PPP1R13B: variants seen among roughly 807,000 people sequenced by gnomAD.
PPP1R13B encodes apoptosis-stimulating of p53 protein 1.
PPP1R13B carries 44 observed loss-of-function variants against 119.8 expected under a neutral mutation model. The ratio of observed to expected loss-of-function variants is 0.37; its 90% CI spans 0.29 to 0.47. The LOEUF is 0.47. Among genes scored for constraint, PPP1R13B ranks in the 20% least tolerant of loss-of-function variants. The probability of loss-of-function intolerance (pLI) is 0.99; values close to 1 mark genes in which losing one functional copy is unlikely to be tolerated. For missense variants in PPP1R13B, 1,227 were observed against 1,413.5 expected, an observed-to-expected ratio of 0.87 and a Z score of 2.12; for synonymous variants, 542 against 561.5, an observed-to-expected ratio of 0.97 and a Z score of 0.49.
At chr14:103,847,771 C>T (rs2087102107), upstream of PPP1R13B, 5 of 388,276 alleles carry the variant, frequency 1.3e-5, no homozygotes, top group South Asian at 1.1e-4. Flanking sequence ...CTCCCGGCGG[C>T]GGGGGAGGGG....
intron 4 of PPP1R13B, among the ~76,000 whole-genome samples, chr14:103,768,367 G>A (rs1567108742): frequency 6.6e-6 from 1 of 152,092 alleles, no homozygotes; most frequent in African/African-American, 2.4e-5. Context: ...TGCCATCTTG[G>A]CTCACTGCAA....
intron 1 of PPP1R13B, among the ~76,000 whole-genome samples, chr14:103,801,629 G>C (rs1456107753): frequency 6.6e-6 from 1 of 151,980 alleles, no homozygotes; most frequent in East Asian, 1.9e-4. Context: ...GATCTCTATT[G>C]CATCACCTCA....
chr14:103,735,890 T>A, intron 16 of PPP1R13B, 113 bp downstream of exon 16: 1 of 1,194,464 alleles, frequency 8.4e-7, no homozygotes, highest in East Asian at 2.6e-5. Flanking sequence ...CAGAGGGGGC[T>A]GCTGAGGCTC....
At chr14:103,766,562 G>A (rs1037341339) in intron 4 of PPP1R13B, among the ~76,000 whole-genome samples, 1 of 152,202 alleles carries the variant, frequency 6.6e-6, no homozygotes, top group Non-Finnish European at 1.5e-5. Flanking sequence ...CACGCTACCA[G>A]ACACCATGAA....
At chr14:103,764,851 G>A (rs1025622436) in intron 4 of PPP1R13B, among the ~76,000 whole-genome samples, 4 of 151,818 alleles carry the variant, frequency 2.6e-5, no homozygotes, top group African/African-American at 4.8e-5. Flanking sequence ...ATGGAGTCTC[G>A]CTCTGTCGCC....
At chr14:103,755,677 G>A (rs1441519431) in intron 5 of PPP1R13B, among the ~76,000 whole-genome samples, 1 of 152,116 alleles carries the variant, frequency 6.6e-6, no homozygotes, top group African/African-American at 2.4e-5. Context: ...GCATTAACTT[G>A]TGATTCACAT....
In PPP1R13B at chr14:103,742,856, T is replaced by C; in HGVS notation, c.1151-33A>G. On this transcript the variant is annotated intron_variant, in intron 9 of 16. Transcript: ENST00000202556. The surrounding 1 kb of genome is among the most constrained non-coding windows in gnomAD (Gnocchi z 4.9). Reference sequence around the variant, plus strand: ...AGAACACAGAACTTACGTAAAACTTTTCTCAATGTAGTTGAACCAACCTAA... The same window carrying C: ...AGAACACAGAACTTACGTAAAACTTCTCTCAATGTAGTTGAACCAACCTAA... 3.1e-6 allele frequency: 5 copies of C among 1,611,278 alleles called. No individual in the cohort carries two copies. Among genetic ancestry groups the C allele is most frequent in the Non-Finnish European group, 4.2e-6 (5 of 1,178,288 alleles).
chr14:103,758,596 G>A (rs2084731303), intron 4 of PPP1R13B, among the ~76,000 whole-genome samples: 1 of 152,216 alleles, frequency 6.6e-6, no homozygotes, highest in South Asian at 2.1e-4. Flanking sequence ...AAACAAATCT[G>A]CATGGGGTTG....
Position 103,830,129 on chromosome 14 carries a change from C to A in PPP1R13B, c.9+17170G>T, listed in dbSNP as rs1246786977. ...TATTTATTTGAAATGAAATCTCACT[C>A]TTGTCACCCAGGCTGGAGCGCTGTG... is the stretch of plus-strand genomic sequence containing the variant. On this transcript the variant is annotated intron_variant, in intron 1 of 16. Transcript: ENST00000202556. Among the ~76,000 whole-genome samples the A allele has an allele frequency of 2.6e-5, 4 of 151,456 alleles. No homozygotes were observed. The East Asian group carries it at 7.8e-4, about 30-fold the overall frequency.
Position 103,735,145 on chromosome 14 carries a change from A to G in PPP1R13B, c.*9T>C, listed in dbSNP as rs746172028. 6.2e-7 allele frequency: 1 copy of G among 1,614,130 alleles called. No individual in the cohort carries two copies. The highest frequency in any genetic ancestry group is 1.1e-5 in the South Asian group (1 of 91,074). On this transcript the variant is annotated 3_prime_UTR_variant, in exon 17 of 17. Transcript: ENST00000202556. Reference sequence around the variant, plus strand: ...GCTGGCAAGACCATGCGGTGCTCCAAAAGGAAGTTCAGGCGAGTGTTCGCT... The same window carrying G: ...GCTGGCAAGACCATGCGGTGCTCCAGAAGGAAGTTCAGGCGAGTGTTCGCT...
Position 103,742,605 on chromosome 14 carries a change from G to T in PPP1R13B, c.1320+49C>A. ...TAGCTTAGTACTAAGGCAGAAGAGAGCCCTGTTGAAGAGCCCGCTTGTGTT... is the reference window on the plus strand; with the variant it reads ...TAGCTTAGTACTAAGGCAGAAGAGATCCCTGTTGAAGAGCCCGCTTGTGTT... On this transcript the variant is annotated intron_variant, in intron 10 of 16. Coordinates refer to ENST00000202556, the MANE Select transcript of PPP1R13B (RefSeq NM_015316.3). This position sits in a 1 kb window ranked among gnomAD's most constrained non-coding sequence, Gnocchi z 4.9. The T allele has an allele frequency of 1.3e-6, 2 of 1,589,034 alleles. No homozygotes were observed. Among genetic ancestry groups the T allele is most frequent in the Non-Finnish European group, 1.7e-6 (2 of 1,167,686 alleles).
intron 4 of PPP1R13B, among the ~76,000 whole-genome samples, chr14:103,760,573 C>T (rs1484967834): frequency 6.6e-6 from 1 of 152,180 alleles, no homozygotes; most frequent in East Asian, 1.9e-4. Context: ...AAGGAAACAT[C>T]CCACCAGCCT....
intron 3 of PPP1R13B, among the ~76,000 whole-genome samples, chr14:103,784,299 T>C (rs1389220442): frequency 1.3e-5 from 2 of 152,038 alleles, no homozygotes; most frequent in African/African-American, 2.4e-5. Flanking sequence ...TGTGATGTAA[T>C]TGGCTGGGTA....
intron 1 of PPP1R13B, among the ~76,000 whole-genome samples, chr14:103,809,007 CTG>C (rs2086085760): frequency 6.6e-6 from 1 of 152,058 alleles, no homozygotes; most frequent in South Asian, 2.1e-4. Flanking sequence ...GTAGCTGAGA[CTG>C]TAAAAGCGCA....
intron 1 of PPP1R13B, among the ~76,000 whole-genome samples, chr14:103,804,730 T>A (rs79903855): frequency 6.6e-6 from 1 of 150,414 alleles, no homozygotes; most frequent in Non-Finnish European, 1.5e-5. Context: ...TGAGATCCCA[T>A]CTCTAAGGAA....
intron 8 of PPP1R13B, among the ~76,000 whole-genome samples, chr14:103,749,219 A>G (rs1327717056): frequency 2.0e-5 from 3 of 152,186 alleles, no homozygotes; most frequent in Admixed American, 6.5e-5. Flanking sequence ...TATTTATTCA[A>G]TGAGTATTTT....
chr14:103,754,038 A>G (rs755923686), intron 6 of PPP1R13B, 32 bp downstream of exon 6: 1 of 1,604,432 alleles, frequency 6.2e-7, no homozygotes, highest in Non-Finnish European at 8.5e-7. Flanking sequence ...GCCTGGTGAG[A>G]GTGGTGTCGA....
intron 1 of PPP1R13B, among the ~76,000 whole-genome samples, chr14:103,846,485 G>A (rs1364638017): frequency 6.6e-6 from 1 of 152,154 alleles, no homozygotes; most frequent in African/African-American, 2.4e-5. Context: ...TTACGATATA[G>A]GCGCTCAGAA....
intron 2 of PPP1R13B, chr14:103,797,139 C>T: frequency 3.8e-6 from 1 of 265,360 alleles, no homozygotes; most frequent in Admixed American, 5.4e-5. Context: ...TTTTGTAAAA[C>T]TCAGTCCTGT....
Sources: gnomAD v4.1 joint callset for allele counts (sites outside exome capture counted in the v4.1 genomes callset) on GRCh38, gnomAD v4.1.1 for gene constraint, Gnocchi (gnomAD v3.1) non-coding constraint, MANE v1.5 for transcripts, NCBI Gene and HGNC (gene_info 2026-07-23, HGNC 2026-07-21) for gene names.